ALKBH4: variants seen among roughly 807,000 people sequenced by gnomAD.
ALKBH4 encodes the protein alkB homolog 4, lysine demethylase, also known as alpha-ketoglutarate-dependent dioxygenase alkB homolog 4.
ALKBH4 carries 8 observed loss-of-function variants against 12.1 expected under a neutral mutation model. The ratio of observed to expected loss-of-function variants is 0.66; its 90% CI spans 0.39 to 1.19. The LOEUF (loss-of-function observed/expected upper bound fraction) is 1.19, where lower values mean the gene tolerates loss of function less well. ALKBH4 is among the 50% of genes most tolerant of loss of function. ALKBH4 has a pLI of 0.01. For missense variants in ALKBH4, 403 were observed against 430.4 expected (o/e 0.94, Z 0.56); for synonymous variants, 195 against 191.6 (o/e 1.02, Z -0.15).
intron 1 of ALKBH4, among the ~76,000 whole-genome samples, chr7:102,462,542 A>T (rs1360181218): frequency 1.3e-5 from 2 of 151,722 alleles, no homozygotes; most frequent in Admixed American, 6.6e-5. Flanking sequence ...TAATTTTTAA[A>T]TTTTTTGTAG....
At position 102,457,071 on chromosome 7, in the gene ALKBH4, C is replaced by T. The variant is rs1009055216; in HGVS notation, c.*323G>A. On this transcript the variant is annotated 3_prime_UTR_variant, in exon 3 of 3. Transcript: ENST00000292566. The surrounding 1 kb of genome is among the most constrained non-coding windows in gnomAD (Gnocchi z 5.9). ...CTCGAACTCCTGGCATCAAGTGATCCGCCCACCTCAGCCTCCCAAAGTGTT... is the reference window on the plus strand; with the variant it reads ...CTCGAACTCCTGGCATCAAGTGATCTGCCCACCTCAGCCTCCCAAAGTGTT... 5 of 216,952 alleles carry T rather than the reference C, an allele frequency of 2.3e-5. No homozygotes were observed. Among genetic ancestry groups the T allele is most frequent in the East Asian group, 1.0e-4 (1 of 9,804 alleles). 13.4% of individuals were successfully genotyped at this position (216,952 alleles called of 1,614,324 possible).
chr7:102,464,754 C>G lies in ALKBH4; in HGVS notation c.83G>C (p.Arg28Pro), dbSNP rs771203041. 24 of 1,571,526 alleles carry G rather than the reference C, an allele frequency of 1.5e-5. No homozygotes were observed. In the South Asian group the frequency reaches 2.0e-4, roughly 13 times the overall value. ...CCAGGGCGGGTCACTGCCGCGCTGC[C>G]GCTCGCAGATCAGACAGGTCCGGAT... ...KGIRTCLICE[R>P]QRGSDPPWEL... The change falls in exon 1 of 3, where the codon CGG (arginine) becomes CCG (proline). Residue 28 changes from arginine to proline, a missense_variant. Physicochemically the swap from Arg to Pro is moderately radical, Grantham distance 103. Transcript: ENST00000292566.
In ALKBH4 at chr7:102,462,999, C is replaced by T. The variant is rs866728713; in HGVS notation, c.123+1715G>A. 2.0e-5 allele frequency among the ~76,000 whole-genome samples: 3 copies of T among 147,778 alleles called. No homozygotes were observed. The Middle Eastern group carries it at 0.011, about 520-fold the overall frequency. ...TTGAGACAGGGTCTCACTATGTTGC[C>T]CAAGCTGGAGTGCAGTGGCGTGATC... On this transcript the variant is annotated intron_variant, in intron 1 of 2. Coordinates refer to ENST00000292566, the MANE Select transcript of ALKBH4 (RefSeq NM_017621.4).
rs979738102 is a variant in ALKBH4, at chr7:102,464,813, G to T, written c.24C>A (p.Thr8=). 1.9e-5 allele frequency: 30 copies of T among 1,542,250 alleles called. No individual in the cohort carries two copies. Among genetic ancestry groups the T allele is most frequent in the African/African-American group, 1.4e-5 (1 of 70,064 alleles). The change falls in exon 1 of 3, where the codon ACC becomes ACA. Residue 8 remains threonine, a synonymous_variant. Coordinates refer to ENST00000292566, the MANE Select transcript of ALKBH4 (RefSeq NM_017621.4). MAAAAAE[T]PEVLRECGCK... is the part of the protein sequence containing the mutation. Reference sequence around the variant, plus strand: ...AACCGCATTCCCGAAGGACTTCGGGGGTCTCGGCGGCAGCCGCCGCCATCG... The same window carrying T: ...AACCGCATTCCCGAAGGACTTCGGGTGTCTCGGCGGCAGCCGCCGCCATCG...
chr7:102,457,767 C>T lies in ALKBH4; in HGVS notation c.536G>A (p.Arg179Gln), dbSNP rs770193138. The change falls in exon 3 of 3, where the codon CGG becomes CAG. Residue 179 changes from arginine (R) to glutamine (Q), a missense_variant. By Grantham distance (43) the Arg-to-Gln change is conservative (BLOSUM62 1). Transcript: ENST00000292566. This position sits in a 1 kb window ranked among gnomAD's most constrained non-coding sequence, Gnocchi z 5.9. The part of the protein sequence containing the change: ...HLDDAWLWGE[R>Q]LVSLNLLSPT... ...GGACAGGAGGTTGAGGCTGACCAGC[C>T]GCTCCCCCCACAGCCAGGCGTCGTC... 19 of 1,592,576 alleles carry T rather than the reference C, an allele frequency of 1.2e-5. No homozygotes were observed. The highest frequency in any genetic ancestry group is 4.5e-5 in the East Asian group (2 of 44,382).
rs372884323 is a variant in ALKBH4 at position 102,457,819 on chromosome 7, G to A, written c.484C>T (p.Arg162Trp). 8.0e-5 allele frequency: 128 copies of A among 1,609,540 alleles called. No individual in the cohort carries two copies. The highest frequency in any genetic ancestry group is 4.2e-4 in the South Asian group (38 of 91,040). Residue 162 changes from arginine to tryptophan, a missense_variant, in exon 3 of 3, where the codon CGG (arginine) becomes TGG (tryptophan). Arg to Trp is a moderately radical substitution (Grantham distance 101, BLOSUM62 -3). Coordinates refer to ENST00000292566, the MANE Select transcript of ALKBH4 (RefSeq NM_017621.4). This position sits in a 1 kb window ranked among gnomAD's most constrained non-coding sequence, Gnocchi z 5.9. ...EQCNLDYCPE[R>W]GSAIDPHLDD... The stretch of plus-strand genomic sequence containing the variant: ...AGGTGGGGGTCAATGGCAGAGCCCC[G>A]CTCGGGGCAGTAGTCCAGGTTGCAC...
intron 1 of ALKBH4, among the ~76,000 whole-genome samples, chr7:102,461,192 C>A (rs1268844022): frequency 1.3e-5 from 2 of 151,918 alleles, no homozygotes; most frequent in African/African-American, 4.8e-5. Context: ...CAAAAACTAG[C>A]CGGGCGTCGT....
At chr7:102,462,716 G>A (rs150585334) in intron 1 of ALKBH4, among the ~76,000 whole-genome samples, 2,109 of 152,016 alleles carry the variant, frequency 0.014, 45 homozygotes, top group African/African-American at 0.048. Flanking sequence ...TTGTACAGCC[G>A]TCACCACCAT....
chr7:102,459,351 A>G (rs1797740657), intron 2 of ALKBH4: 1 of 400,692 alleles, frequency 2.5e-6, no homozygotes, highest in East Asian at 4.1e-5. Context: ...ACCACCACCA[A>G]GCCAGCTACA....
rs766260358 is a variant in ALKBH4 at position 102,457,410 on chromosome 7, T to C, written c.893A>G (p.Gln298Arg). 2 of 1,611,594 alleles carry C rather than the reference T, an allele frequency of 1.2e-6. No individual in the cohort carries two copies. The highest frequency in any genetic ancestry group is 1.7e-6 in the Non-Finnish European group (2 of 1,178,462). Residue 298 changes from glutamine (Q) to arginine (R), a missense_variant, in exon 3 of 3, where the codon CAG becomes CGG. Gln to Arg is a conservative substitution (Grantham distance 43). Coordinates refer to ENST00000292566, the MANE Select transcript of ALKBH4 (RefSeq NM_017621.4). This position sits in a 1 kb window ranked among gnomAD's most constrained non-coding sequence, Gnocchi z 5.9. Reference protein sequence around the residue: ...QELLRIALSFQGRPV With the variant: ...QELLRIALSFRGRPV ...GGAGGCGGTTCACACGGGTCTTCCC[T>C]GGAAGGAGAGGGCGATCCGCAGCAG...
chr7:102,457,732 G>A lies in ALKBH4; in HGVS notation c.571C>T (p.Leu191=). 1.3e-6 allele frequency: 2 copies of A among 1,571,320 alleles called. No individual in the cohort carries two copies. Among genetic ancestry groups the A allele is most frequent in the South Asian group, 1.1e-5 (1 of 88,272 alleles). ...VSLNLLSPTV[L]SMCREAPGSL... is the part of the protein sequence containing the mutation. The stretch of plus-strand genomic sequence containing the variant: ...CCGGGCGCCTCCCGACACATGGACA[G>A]CACGGTGGGGGACAGGAGGTTGAGG... The change falls in exon 3 of 3, where the codon CTG becomes TTG. Residue 191 remains leucine (L), a synonymous_variant. Coordinates refer to ENST00000292566, the MANE Select transcript of ALKBH4 (RefSeq NM_017621.4). The surrounding 1 kb of genome is among the most constrained non-coding windows in gnomAD (Gnocchi z 5.9).
At position 102,457,854 on chromosome 7, in the gene ALKBH4, G is replaced by C; in HGVS notation, c.449C>G (p.Pro150Arg). 1 of 1,611,884 alleles carries C rather than the reference G, an allele frequency of 6.2e-7. No individual in the cohort carries two copies. ...GLYPGLEGFR[P>R]VEQCNLDYCP... is the part of the protein sequence containing the mutation. ...GTAGTCCAGGTTGCACTGCTCGACG[G>C]GCCGGAAGCCCTCCAGCCCCGGGTA... Residue 150 changes from proline (P) to arginine (R), a missense_variant, in exon 3 of 3, where the codon CCC becomes CGC. Physicochemically the swap from Pro to Arg is moderately radical, Grantham distance 103. Coordinates refer to ENST00000292566, the MANE Select transcript of ALKBH4 (RefSeq NM_017621.4). This position sits in a 1 kb window ranked among gnomAD's most constrained non-coding sequence, Gnocchi z 5.9.
At position 102,457,392 on chromosome 7, in the gene ALKBH4, G is replaced by A. The variant is rs1451411785; in HGVS notation, c.*2C>T. ...AGTCAAGTCTGGAGCCAAGGAGGCG[G>A]TTCACACGGGTCTTCCCTGGAAGGA... On this transcript the variant is annotated 3_prime_UTR_variant, in exon 3 of 3. Coordinates refer to ENST00000292566, the MANE Select transcript of ALKBH4 (RefSeq NM_017621.4). This position sits in a 1 kb window ranked among gnomAD's most constrained non-coding sequence, Gnocchi z 5.9. 2 of 1,604,924 alleles carry A rather than the reference G, an allele frequency of 1.2e-6. No homozygotes were observed. Among genetic ancestry groups the A allele is most frequent in the Non-Finnish European group, 1.7e-6 (2 of 1,173,462 alleles).
At chr7:102,459,891 C>T (rs989470250) in intron 1 of ALKBH4, 90 bp from the exon 2 acceptor site, 22 of 1,259,030 alleles carry the variant, frequency 1.7e-5, no homozygotes, top group East Asian at 7.7e-5. Flanking sequence ...CGGTGGCTCA[C>T]GCCTGTAATT....
intron 1 of ALKBH4, among the ~76,000 whole-genome samples, chr7:102,463,322 CTTTTTTTTTTT>C (rs71106683): frequency 8.6e-5 from 5 of 58,318 alleles, no homozygotes; most frequent in South Asian, 8.7e-4. Context: ...CAAGTCATCT[CTTTTTTTTTTT>C]TTTTTTTTTT....
Position 102,459,691 on chromosome 7 carries a change from G to A in ALKBH4, c.234C>T (p.Asp78=), listed in dbSNP as rs1355954153. 6.2e-7 allele frequency: 1 copy of A among 1,614,076 alleles called. No homozygotes were observed. The highest frequency in any genetic ancestry group is 1.3e-5 in the African/African-American group (1 of 74,948). ...FPFPGVMLIE[D]FVTREEEAEL... The stretch of plus-strand genomic sequence containing the variant: ...CGGCTTCTTCCTCCCGGGTCACAAA[G>A]TCCTCGATCAGCATCACTCCTGGGA... The change falls in exon 2 of 3, where the codon GAC becomes GAT. Residue 78 remains aspartate (D), a synonymous_variant. Transcript: ENST00000292566.
At chr7:102,462,790 C>G (rs1426292832) in intron 1 of ALKBH4, among the ~76,000 whole-genome samples, 1 of 152,132 alleles carries the variant, frequency 6.6e-6, no homozygotes, top group Non-Finnish European at 1.5e-5. Context: ...TCCCCATCTC[C>G]CCTTCCTGAG....
At chr7:102,462,560 G>T (rs1320214582) in intron 1 of ALKBH4, among the ~76,000 whole-genome samples, 2 of 151,950 alleles carry the variant, frequency 1.3e-5, no homozygotes, top group African/African-American at 4.8e-5. Flanking sequence ...TAGAGACAGG[G>T]TCTTGCTATG....
intron 1 of ALKBH4, among the ~76,000 whole-genome samples, chr7:102,464,173 G>C (rs1179140072): frequency 6.6e-6 from 1 of 152,106 alleles, no homozygotes; most frequent in Non-Finnish European, 1.5e-5. Flanking sequence ...GCCCAAAGGC[G>C]CTGAGTTCTT....
Sources: gnomAD v4.1 joint callset for allele counts (sites outside exome capture counted in the v4.1 genomes callset) on GRCh38, gnomAD v4.1.1 for gene constraint, Gnocchi (gnomAD v3.1) non-coding constraint, MANE v1.5 for transcripts, NCBI Gene and HGNC (gene_info 2026-07-23, HGNC 2026-07-21) for gene names.